TFAP2D: variants seen among roughly 807,000 people sequenced by gnomAD.
The protein encoded by TFAP2D is transcription factor AP-2 delta.
In TFAP2D, 9 loss-of-function variants were observed where a neutral mutation model predicts 43.6. The observed-to-expected ratio is 0.21, with a 90% confidence interval of 0.12 to 0.36. The LOEUF (loss-of-function observed/expected upper bound fraction) is 0.36, where lower values mean the gene tolerates loss of function less well. Ranked by LOEUF, TFAP2D falls within the 10% of genes least tolerant of loss-of-function variation. TFAP2D has a pLI of 1.00. For missense variants in TFAP2D, 513 were observed against 561.4 expected (o/e 0.91, Z 0.87); for synonymous variants, 256 against 224.9 (o/e 1.14, Z -1.24).
chr6:50,719,092 C>T lies in TFAP2D; in HGVS notation c.540C>T (p.Gly180=). ...LAAAGADDLQ[G]SVEAQCGLVL... The stretch of plus-strand genomic sequence containing the variant: ...TTATTTCTGTTTCTTTTATTAAGGG[C>T]TCTGTGGAGGCCCAGTGTGGGCTTG... The change falls in exon 3 of 8, where the codon GGC becomes GGT. Residue 180 remains glycine, a splice_region_variant and synonymous_variant. Transcript: ENST00000008391. The T allele has an allele frequency of 6.2e-7, 1 of 1,613,812 alleles. No individual in the cohort carries two copies. Among genetic ancestry groups the T allele is most frequent in the African/African-American group, 1.3e-5 (1 of 75,036 alleles).
At chr6:50,742,768 G>A (rs948718224) in intron 5 of TFAP2D, among the ~76,000 whole-genome samples, 6 of 152,090 alleles carry the variant, frequency 3.9e-5, no homozygotes, top group Non-Finnish European at 7.4e-5. Context: ...TATCCTGTTA[G>A]TTACAAGATA....
chr6:50,720,524 CACACACACACACACAT>C (rs1348253594), intron 3 of TFAP2D, among the ~76,000 whole-genome samples: 2 of 127,192 alleles, frequency 1.6e-5, no homozygotes, highest in East Asian at 3.0e-4. Context: ...CACACACACA[CACACACACACACACAT>C]ATACGTGGTA....
rs535166687 is a variant in TFAP2D, at chr6:50,766,761, C to T, written c.1140-5884C>T. On this transcript the variant is annotated intron_variant, in intron 7 of 7. Transcript: ENST00000008391. ...TCGGCTCACTGCAAGCTCCGCTTCC[C>T]GGGTTCACGCCATTCTCCTGCCTCA... is the stretch of plus-strand genomic sequence containing the variant. 3.1e-3 allele frequency among the ~76,000 whole-genome samples: 448 copies of T among 144,738 alleles called. 3 individuals are homozygous for T. The highest frequency in any genetic ancestry group is 1.0e-2 in the African/African-American group (396 of 39,628). The allele number at this position is 144,738 out of a possible 152,430, so 95.0% of individuals were successfully genotyped here.
At chr6:50,766,685 G>A (rs568529128) in intron 7 of TFAP2D, among the ~76,000 whole-genome samples, 29 of 42,778 alleles carry the variant, frequency 6.8e-4, no homozygotes, top group Non-Finnish European at 1.3e-3. Context: ...TTTTTGAGAC[G>A]GAGTCTCGCT....
intron 7 of TFAP2D, among the ~76,000 whole-genome samples, chr6:50,761,599 G>A (rs1294390560): frequency 3.9e-5 from 6 of 151,944 alleles, no homozygotes; most frequent in Non-Finnish European, 8.8e-5. Context: ...ATTCAGGAGA[G>A]GATTCCATAG....
intron 1 of TFAP2D, among the ~76,000 whole-genome samples, chr6:50,714,771 AC>A (rs1364558443): frequency 2.0e-5 from 3 of 151,982 alleles, no homozygotes; most frequent in African/African-American, 7.3e-5. Context: ...CTGGATCCCA[AC>A]GCCAAGCTCC....
At chr6:50,727,699 G>A (rs533673790) in intron 3 of TFAP2D, among the ~76,000 whole-genome samples, 1 of 152,218 alleles carries the variant, frequency 6.6e-6, no homozygotes, top group African/African-American at 2.4e-5. Context: ...CTGGATATGG[G>A]TTGTAAGATT....
rs762146491 is a variant in TFAP2D, at chr6:50,745,064, G to T, written c.884-43G>T. ...AATGCAAGACACTACTGTTATTAAGGTTGGATACTGGTGAGAAACTCACTT... is the reference window on the plus strand; with the variant it reads ...AATGCAAGACACTACTGTTATTAAGTTTGGATACTGGTGAGAAACTCACTT... On this transcript the variant is annotated intron_variant, in intron 5 of 7. Coordinates refer to ENST00000008391, the MANE Select transcript of TFAP2D (RefSeq NM_172238.4). 3.1e-6 allele frequency: 5 copies of T among 1,609,598 alleles called. No individual in the cohort carries two copies. The South Asian group carries it at 5.5e-5, about 18-fold the overall frequency.
At chr6:50,764,281 C>A (rs1220079756) in intron 7 of TFAP2D, among the ~76,000 whole-genome samples, 1 of 152,054 alleles carries the variant, frequency 6.6e-6, no homozygotes, top group Non-Finnish European at 1.5e-5. Context: ...TATACTATTG[C>A]CAGCTTTAAA....
intron 5 of TFAP2D, among the ~76,000 whole-genome samples, chr6:50,739,364 T>C (rs1044039671): frequency 6.6e-6 from 1 of 152,164 alleles, no homozygotes; most frequent in Non-Finnish European, 1.5e-5. Flanking sequence ...GAATGATGGT[T>C]TCCAGCTACA....
At chr6:50,763,269 C>A (rs781485018) in intron 7 of TFAP2D, among the ~76,000 whole-genome samples, 4 of 152,070 alleles carry the variant, frequency 2.6e-5, no homozygotes, top group Non-Finnish European at 5.9e-5. Context: ...TTAATGTGTC[C>A]AGCAGAGTGG....
At chr6:50,725,568 G>A (rs1475758065) in intron 3 of TFAP2D, among the ~76,000 whole-genome samples, 2 of 152,178 alleles carry the variant, frequency 1.3e-5, no homozygotes, top group Admixed American at 6.5e-5. Flanking sequence ...ATTTCAATAT[G>A]AGCTGACATG....
intron 7 of TFAP2D, among the ~76,000 whole-genome samples, chr6:50,763,912 C>T (rs1769404265): frequency 6.6e-6 from 1 of 152,090 alleles, no homozygotes; most frequent in Non-Finnish European, 1.5e-5. Context: ...GTGGTAGTTA[C>T]ACCACTGTGT....
chr6:50,724,160 A>G (rs1768772019), intron 3 of TFAP2D, among the ~76,000 whole-genome samples: 1 of 152,010 alleles, frequency 6.6e-6, no homozygotes, highest in South Asian at 2.1e-4. Flanking sequence ...GTGAGAGGCT[A>G]GAGAGGAAGC....
chr6:50,728,648 A>G (rs1313637329), intron 3 of TFAP2D, among the ~76,000 whole-genome samples: 3 of 152,218 alleles, frequency 2.0e-5, no homozygotes, highest in African/African-American at 7.2e-5. Context: ...ACACTCACAG[A>G]CATTTTCACA....
chr6:50,752,541 A>AAATAAC (rs1271303222), intron 7 of TFAP2D, among the ~76,000 whole-genome samples: 2 of 151,944 alleles, frequency 1.3e-5, no homozygotes, highest in Non-Finnish European at 2.9e-5. Context: ...TCATTATATA[A>AAATAAC]AATAACAAGT....
At chr6:50,764,975 CA>C (rs1769421430) in intron 7 of TFAP2D, among the ~76,000 whole-genome samples, 1 of 152,004 alleles carries the variant, frequency 6.6e-6, no homozygotes, top group African/African-American at 2.4e-5. Context: ...ATATAATTTT[CA>C]AATATATAAT....
intron 3 of TFAP2D, among the ~76,000 whole-genome samples, chr6:50,728,402 C>G (rs1768838251): frequency 6.6e-6 from 1 of 152,180 alleles, no homozygotes; most frequent in African/African-American, 2.4e-5. Context: ...AGTTTTCAAA[C>G]ACTTTGGAAA....
chr6:50,737,920 A>C (rs1156306567), intron 5 of TFAP2D, among the ~76,000 whole-genome samples: 1 of 152,192 alleles, frequency 6.6e-6, no homozygotes, highest in Non-Finnish European at 1.5e-5. Context: ...CATATCTTCA[A>C]TAAATGTCTA....
Sources: gnomAD v4.1 joint callset for allele counts (sites outside exome capture counted in the v4.1 genomes callset) on GRCh38, gnomAD v4.1.1 for gene constraint, MANE v1.5 for transcripts, NCBI Gene and HGNC (gene_info 2026-07-23, HGNC 2026-07-21) for gene names.